PCDHA1: variants seen among roughly 807,000 people sequenced by gnomAD.
The protein encoded by PCDHA1 is protocadherin alpha 1, also known as protocadherin alpha-1.
In PCDHA1, 42 loss-of-function variants were observed where a neutral mutation model predicts 61.3. That is an observed-to-expected ratio of 0.69 (90% CI 0.54 to 0.89). The LOEUF (loss-of-function observed/expected upper bound fraction) is 0.89. Ranked by LOEUF, PCDHA1 falls within the 40% of genes least tolerant of loss-of-function variation. The pLI is 0.00. For synonymous variants in PCDHA1, 610 were observed against 553.8 expected (o/e 1.10, Z -1.43); for missense variants, 1,256 against 1,235.3 (o/e 1.02, Z -0.25).
intron 1 of PCDHA1, 61 bp downstream of exon 1, chr5:140,788,745 C>A (rs1554118324): frequency 6.8e-7 from 1 of 1,478,664 alleles, no homozygotes; most frequent in East Asian, 2.3e-5. Context: ...GTCTAATCAT[C>A]TTTTCAAATA....
chr5:140,995,709 G>C (rs1279829164), intron 3 of PCDHA1, among the ~76,000 whole-genome samples: 6 of 152,162 alleles, frequency 3.9e-5, no homozygotes, highest in African/African-American at 1.4e-4. Flanking sequence ...GCTGGGCTTG[G>C]AAATGTTCTT....
rs1262601662 is a variant in PCDHA1, at chr5:141,011,550, A to C, written c.*1613A>C. On this transcript the variant is annotated 3_prime_UTR_variant, in exon 4 of 4. Coordinates refer to ENST00000504120, the MANE Select transcript of PCDHA1 (RefSeq NM_018900.4). ...CATTGTTAATCAGCTTTTGTGTATG[A>C]AAGACACAGTAAAATTTCTTTCTTA... 6 of 153,770 alleles carry C rather than the reference A, an allele frequency of 3.9e-5. No homozygotes were observed. The highest frequency in any genetic ancestry group is 1.4e-4 in the African/African-American group (6 of 41,462). The allele number at this position is 153,770 out of a possible 1,614,324, so 9.5% of individuals were successfully genotyped here. A position where few individuals can be genotyped will look rare whatever the true frequency, so the allele number is the denominator to read the frequency against.
At chr5:140,867,556 A>G (rs578116609) in intron 1 of PCDHA1, 33 of 152,264 alleles carry the variant, frequency 2.2e-4, no homozygotes, top group African/African-American at 7.5e-4. Flanking sequence ...TACACATATG[A>G]TAACTTTTTC....
rs2096607447 is a variant in PCDHA1, at chr5:140,973,909, C to T, written c.2395-5040C>T. 2.0e-5 allele frequency among the ~76,000 whole-genome samples: 3 copies of T among 152,194 alleles called. 1 individual carries two copies. The highest frequency in any genetic ancestry group is 2.0e-4 in the Admixed American group (3 of 15,280). On this transcript the variant is annotated intron_variant, in intron 1 of 3. Coordinates refer to ENST00000504120, the MANE Select transcript of PCDHA1 (RefSeq NM_018900.4). ...ATTTGCAAATGTTTGAGGAAACATT[C>T]CTGTCACCAAACCCAGAGGTTTAGC...
Position 141,009,792 on chromosome 5 carries a change from C to G in PCDHA1, c.2708C>G (p.Pro903Arg), listed in dbSNP as rs1359138927. ...SPAIISIRQEPTNSQIDKSDF... is the reference protein window; with the variant it reads ...SPAIISIRQERTNSQIDKSDF... ...GCAATCATCTCCATCCGGCAGGAGC[C>G]TACTAACAGCCAAATTGACAAAAGT... The change falls in exon 4 of 4, where the codon CCT (proline) becomes CGT (arginine). Residue 903 changes from proline (P) to arginine (R), a missense_variant. Physicochemically the swap from Pro to Arg is moderately radical, Grantham distance 103. Coordinates refer to ENST00000504120, the MANE Select transcript of PCDHA1 (RefSeq NM_018900.4). The G allele has an allele frequency of 4.3e-6, 7 of 1,613,950 alleles. 1 individual carries two copies. Among genetic ancestry groups the G allele is most frequent in the Middle Eastern group, 3.3e-4 (2 of 6,084 alleles).
At chr5:140,802,459 A>G (rs372311136) in intron 1 of PCDHA1, 2 of 1,614,150 alleles carry the variant, frequency 1.2e-6, no homozygotes, top group South Asian at 1.1e-5. Flanking sequence ...GTGTCGGCCT[A>G]TGAGCTGGTG....
At chr5:140,841,797 A>T in intron 1 of PCDHA1, 1 of 1,613,936 alleles carries the variant, frequency 6.2e-7, no homozygotes, top group Non-Finnish European at 8.5e-7. Flanking sequence ...GGCGCGTCCG[A>T]TGCAGATGTT....
intron 1 of PCDHA1, chr5:140,842,126 C>G (rs2150329833): frequency 6.2e-7 from 1 of 1,613,822 alleles, no homozygotes; most frequent in South Asian, 1.1e-5. Context: ...TGCTTCTGAT[C>G]CGGATGAAGG....
chr5:140,888,446 A>G (rs1411131603), intron 1 of PCDHA1, among the ~76,000 whole-genome samples: 3 of 152,190 alleles, frequency 2.0e-5, no homozygotes, highest in Non-Finnish European at 2.9e-5. Context: ...GCCCAACAAT[A>G]AAGAATTAGC....
intron 1 of PCDHA1, chr5:140,842,737 C>T: frequency 6.3e-7 from 1 of 1,595,052 alleles, no homozygotes; most frequent in Non-Finnish European, 8.6e-7. Context: ...CGCCGGGCTG[C>T]CACATCTTCA....
chr5:140,808,743 C>T, intron 1 of PCDHA1: 1 of 1,612,100 alleles, frequency 6.2e-7, no homozygotes, highest in Middle Eastern at 2.1e-4. Context: ...AAGGTGTACG[C>T]GCTGCAGCCG....
At chr5:140,876,101 T>C (rs2056113076) in intron 1 of PCDHA1, 1 of 1,613,984 alleles carries the variant, frequency 6.2e-7, no homozygotes, top group East Asian at 2.2e-5. Flanking sequence ...AAACTCAATT[T>C]ATTGCTGATG....
intron 1 of PCDHA1, among the ~76,000 whole-genome samples, chr5:140,933,321 C>T (rs1266539168): frequency 2.6e-5 from 4 of 151,928 alleles, no homozygotes; most frequent in Non-Finnish European, 5.9e-5. Context: ...CTCGTATTCT[C>T]CTGTGCTGTA....
chr5:140,969,011 A>G lies in PCDHA1; in HGVS notation c.2395-9938A>G, dbSNP rs1554231347. On this transcript the variant is annotated intron_variant, in intron 1 of 3. Transcript: ENST00000504120. Reference sequence around the variant, plus strand: ...ATGCTGTGGAGGCTTCTGTGGAGTAAGGGAAAGGTCCCCTGCAGAACTGTA... The same window carrying G: ...ATGCTGTGGAGGCTTCTGTGGAGTAGGGGAAAGGTCCCCTGCAGAACTGTA... The G allele has an allele frequency of 2.5e-6, 4 of 1,614,084 alleles. No individual in the cohort carries two copies. In the South Asian group the frequency reaches 4.4e-5, roughly 18 times the overall value.
chr5:140,915,164 G>A (rs782783727), intron 1 of PCDHA1, among the ~76,000 whole-genome samples: 27 of 152,144 alleles, frequency 1.8e-4, no homozygotes, highest in African/African-American at 5.3e-4. Flanking sequence ...GGCCAGGATA[G>A]TCTCGATCTC....
intron 3 of PCDHA1, among the ~76,000 whole-genome samples, chr5:141,002,404 C>T (rs1167193365): frequency 2.0e-5 from 3 of 152,200 alleles, no homozygotes; most frequent in African/African-American, 7.2e-5. Context: ...CTCTGTGCCT[C>T]CCAAATAGTA....
At chr5:140,792,969 C>G (rs973485128) in intron 1 of PCDHA1, among the ~76,000 whole-genome samples, 1 of 152,156 alleles carries the variant, frequency 6.6e-6, no homozygotes, top group Non-Finnish European at 1.5e-5. Flanking sequence ...TTAGGTGGAG[C>G]TGATTTCATT....
At chr5:140,856,589 A>G in intron 1 of PCDHA1, 1 of 1,597,786 alleles carries the variant, frequency 6.3e-7, no homozygotes, top group Non-Finnish European at 8.6e-7. Flanking sequence ...TGTTCTTGAT[A>G]TTATAAACAA....
At chr5:140,851,140 G>A in intron 1 of PCDHA1, 2 of 1,310,362 alleles carry the variant, frequency 1.5e-6, no homozygotes, top group East Asian at 5.4e-5. Context: ...TGATTAAAGT[G>A]ACATTGAATT....
Sources: gnomAD v4.1 joint callset for allele counts (sites outside exome capture counted in the v4.1 genomes callset) on GRCh38, gnomAD v4.1.1 for gene constraint, MANE v1.5 for transcripts, NCBI Gene and HGNC (gene_info 2026-07-23, HGNC 2026-07-21) for gene names.